Variants in CFAP58 observed in about 807,000 individuals in gnomAD.
CFAP58 encodes the protein cilia- and flagella-associated protein 58.
Under a neutral mutation model 119.5 loss-of-function variants are expected in CFAP58, and 88 were observed. That is an observed-to-expected ratio of 0.74 (90% CI 0.62 to 0.88). The LOEUF (loss-of-function observed/expected upper bound fraction) is 0.88. CFAP58 is among the 40% of genes least tolerant of loss of function. The pLI, the probability that CFAP58 is intolerant of heterozygous loss-of-function variation, is 0.00. For synonymous variants in CFAP58, 365 were observed against 366.3 expected, an observed-to-expected ratio of 1.00 and a Z score of 0.04; for missense variants, 990 against 1,021.2, an observed-to-expected ratio of 0.97 and a Z score of 0.42.
intron 15 of CFAP58, among the ~76,000 whole-genome samples, chr10:104,413,963 C>T (rs1258842188): frequency 6.6e-6 from 1 of 152,108 alleles, no homozygotes; most frequent in Admixed American, 6.5e-5. Flanking sequence ...AGTTCAAATG[C>T]ACTTAACCTC....
intron 15 of CFAP58, among the ~76,000 whole-genome samples, chr10:104,435,667 C>T (rs979452850): frequency 3.9e-5 from 6 of 152,136 alleles, no homozygotes; most frequent in Non-Finnish European, 5.9e-5. Context: ...TTCATTTCTC[C>T]TGTTCCCTAG....
At chr10:104,402,007 G>C (rs904925098) in intron 13 of CFAP58, among the ~76,000 whole-genome samples, 1 of 152,128 alleles carries the variant, frequency 6.6e-6, no homozygotes. Flanking sequence ...ATACACAAAG[G>C]ACCACATTTT....
intron 1 of CFAP58, among the ~76,000 whole-genome samples, chr10:104,357,902 CACAT>C (rs1232985355): frequency 2.8e-5 from 2 of 71,546 alleles, no homozygotes; most frequent in Non-Finnish European, 5.5e-5. Flanking sequence ...CATATATGTA[CACAT>C]ATACACACAT....
chr10:104,435,345 A>T (rs2012916427), intron 15 of CFAP58, among the ~76,000 whole-genome samples: 1 of 152,174 alleles, frequency 6.6e-6, no homozygotes, highest in African/African-American at 2.4e-5. Flanking sequence ...TTAGCCGGGC[A>T]TGGTGGTGTG....
intron 15 of CFAP58, among the ~76,000 whole-genome samples, chr10:104,428,555 G>A (rs1408829333): frequency 6.6e-6 from 1 of 152,220 alleles, no homozygotes; most frequent in African/African-American, 2.4e-5. Context: ...AGTGATGCGT[G>A]CTCTTCTCGT....
At chr10:104,391,570 C>T (rs549892449) in intron 9 of CFAP58, among the ~76,000 whole-genome samples, 1 of 152,240 alleles carries the variant, frequency 6.6e-6, no homozygotes, top group African/African-American at 2.4e-5. Context: ...GACGTCATTG[C>T]TACTGTGTGC....
the CFAP58 span, among the ~76,000 whole-genome samples, chr10:104,347,860 A>C: frequency 1.3e-5 from 2 of 151,984 alleles, 1 homozygote. Flanking sequence ...CCAAGGAAGA[A>C]GCTCCCTCTC....
At chr10:104,420,894 A>C (rs2012645644) in intron 15 of CFAP58, among the ~76,000 whole-genome samples, 1 of 151,782 alleles carries the variant, frequency 6.6e-6, no homozygotes, top group African/African-American at 2.4e-5. Context: ...CTGGGACTAC[A>C]GTCTTGTGCC....
At position 104,392,283 on chromosome 10, in the gene CFAP58, C is replaced by T; in HGVS notation, c.1416C>T (p.Asp472=). 6.2e-7 allele frequency: 1 copy of T among 1,612,352 alleles called. No individual in the cohort carries two copies. The highest frequency in any genetic ancestry group is 8.5e-7 in the Non-Finnish European group (1 of 1,179,406). Residue 472 remains aspartate (D), a synonymous_variant, in exon 10 of 18, where the codon GAC becomes GAT. Transcript: ENST00000369704. ...AAGTTCGTGAAACACAGATTTTTGA[C>T]TACAGGAAAAAAATAGCTGAATCAG... is the stretch of plus-strand genomic sequence containing the variant. ...DIKVRETQIF[D]YRKKIAESEI... is the part of the protein sequence containing the mutation.
At chr10:104,381,557 T>G (rs1445494967) in intron 9 of CFAP58, among the ~76,000 whole-genome samples, 2 of 152,038 alleles carry the variant, frequency 1.3e-5, no homozygotes, top group Admixed American at 6.6e-5. Context: ...CTCTCTTCCA[T>G]CTCCTCAATG....
upstream of CFAP58, among the ~76,000 whole-genome samples, chr10:104,352,769 G>A (rs1171318633): frequency 6.6e-6 from 1 of 152,218 alleles, no homozygotes; most frequent in African/African-American, 2.4e-5. Flanking sequence ...TGGAAGTGAA[G>A]TGTGGTAGAT....
At chr10:104,449,462 C>T (rs1174325196) in intron 16 of CFAP58, among the ~76,000 whole-genome samples, 1 of 152,104 alleles carries the variant, frequency 6.6e-6, no homozygotes, top group African/African-American at 2.4e-5. Context: ...CTCTTCTTGT[C>T]CAGCCCAAGC....
chr10:104,404,138 C>A (rs1449863890), intron 14 of CFAP58, among the ~76,000 whole-genome samples: 1 of 152,194 alleles, frequency 6.6e-6, no homozygotes, highest in African/African-American at 2.4e-5. Flanking sequence ...TTTTGGTTAA[C>A]CAGTTATCCT....
chr10:104,377,339 AG>A (rs968155049), intron 8 of CFAP58, among the ~76,000 whole-genome samples: 3 of 152,102 alleles, frequency 2.0e-5, no homozygotes, highest in African/African-American at 7.2e-5. Flanking sequence ...CCATCTTTTC[AG>A]GGTTGCTGTA....
chr10:104,400,641 C>T (rs776668516), intron 12 of CFAP58, 39 bp from the exon 13 acceptor site: 19 of 1,547,084 alleles, frequency 1.2e-5, no homozygotes, highest in African/African-American at 6.8e-5. Context: ...GCTAAGGCTC[C>T]TCCTTCCCTG....
intron 15 of CFAP58, among the ~76,000 whole-genome samples, chr10:104,429,482 G>A (rs1376772512): frequency 1.3e-5 from 2 of 152,156 alleles, no homozygotes; most frequent in Non-Finnish European, 1.5e-5. Context: ...GCATGCCAGT[G>A]TCTACTGTGG....
At chr10:104,352,511 C>T (rs1298840342), upstream of CFAP58, among the ~76,000 whole-genome samples, 1 of 151,206 alleles carries the variant, frequency 6.6e-6, no homozygotes, top group Non-Finnish European at 1.5e-5. Context: ...GCACATGGCA[C>T]GGGAAAGAGA....
chr10:104,422,648 G>A (rs964882009), intron 15 of CFAP58, among the ~76,000 whole-genome samples: 1 of 152,302 alleles, frequency 6.6e-6, no homozygotes, highest in Admixed American at 6.5e-5. Context: ...TGGCGAGAGG[G>A]AAGTAGTGTC....
At chr10:104,371,197 T>C (rs766863538) in intron 7 of CFAP58, 143 bp downstream of exon 7, 10 of 606,654 alleles carry the variant, frequency 1.6e-5, no homozygotes, top group Non-Finnish European at 2.6e-5. Context: ...AAACAGTCAA[T>C]ATGGGGTGGG....
Sources: gnomAD v4.1 joint callset for allele counts (sites outside exome capture counted in the v4.1 genomes callset) on GRCh38, gnomAD v4.1.1 for gene constraint, MANE v1.5 for transcripts, NCBI Gene and HGNC (gene_info 2026-07-23, HGNC 2026-07-21) for gene names.